Variants in STPG2 observed in about 807,000 individuals in gnomAD.
The protein encoded by STPG2 is sperm tail PG-rich repeat containing 2.
Under a neutral mutation model 54.2 loss-of-function variants are expected in STPG2, and 56 were observed. The observed-to-expected ratio is 1.03, with a 90% confidence interval of 0.83 to 1.29. STPG2 has a LOEUF of 1.29. Ranked by LOEUF, STPG2 falls within the 50% of genes most tolerant of loss-of-function variation. The pLI is 0.00. For synonymous variants in STPG2, 200 were observed against 181.8 expected, an observed-to-expected ratio of 1.10 and a Z score of -0.81; for missense variants, 596 against 544.9, an observed-to-expected ratio of 1.09 and a Z score of -0.93.
intron 5 of STPG2, among the ~76,000 whole-genome samples, chr4:98,100,666 T>C (rs1021555455): frequency 3.2e-5 from 4 of 126,178 alleles, no homozygotes; most frequent in East Asian, 2.2e-4. Context: ...TTCTTTCTTT[T>C]TTTTTTTTTT....
intron 5 of STPG2, among the ~76,000 whole-genome samples, chr4:98,029,581 T>C (rs1394006915): frequency 3.3e-5 from 5 of 152,190 alleles, no homozygotes; most frequent in South Asian, 2.1e-4. Context: ...CAAAGTATAT[T>C]AATTAGAAAT....
chr4:97,660,412 T>C (rs1722345075), intron 10 of STPG2, among the ~76,000 whole-genome samples: 1 of 152,222 alleles, frequency 6.6e-6, no homozygotes, highest in African/African-American at 2.4e-5. Context: ...AGAATTATTG[T>C]ATGCTTCATC....
At chr4:97,517,601 C>T (rs186347415) in intron 4 of STPG2, among the ~76,000 whole-genome samples, 3 of 108,290 alleles carry the variant, frequency 2.8e-5, no homozygotes, top group Non-Finnish European at 4.2e-5. Flanking sequence ...TTCTTAGTGT[C>T]AATTTTTTTC....
intron 4 of STPG2, among the ~76,000 whole-genome samples, chr4:97,518,590 T>C (rs1286914072): frequency 6.6e-6 from 1 of 152,092 alleles, no homozygotes; most frequent in Non-Finnish European, 1.5e-5. Flanking sequence ...TAGACATAAA[T>C]TTTTTATGAA....
In STPG2 at chr4:97,972,322, A is replaced by G. The variant is rs756444429; in HGVS notation, c.891T>C (p.Val297=). 1 of 1,608,498 alleles carries G rather than the reference A, an allele frequency of 6.2e-7. No homozygotes were observed. Among genetic ancestry groups the G allele is most frequent in the Admixed American group, 1.7e-5 (1 of 59,082 alleles). The change falls in exon 7 of 11, where the codon GTT becomes GTC. Residue 297 remains valine, a synonymous_variant. Coordinates refer to ENST00000295268, the MANE Select transcript of STPG2 (RefSeq NM_174952.3). ...CAGGGGTAGCACAAGCTTCTTTCTGAACCGAGAAGAAAGTCCGAGGAACAG... is the reference window on the plus strand; with the variant it reads ...CAGGGGTAGCACAAGCTTCTTTCTGGACCGAGAAGAAAGTCCGAGGAACAG... ...GSSVPRTFFS[V]QKEACATPGP...
chr4:97,896,545 A>G (rs917087283), intron 8 of STPG2, among the ~76,000 whole-genome samples: 1 of 151,790 alleles, frequency 6.6e-6, no homozygotes, highest in Non-Finnish European at 1.5e-5. Context: ...GGCTAAAAAA[A>G]TCTATGTTAC....
At chr4:97,460,911 T>C (rs1231234792) in intron 4 of STPG2, among the ~76,000 whole-genome samples, 1 of 152,244 alleles carries the variant, frequency 6.6e-6, no homozygotes, top group East Asian at 1.9e-4. Flanking sequence ...TTCAACATTA[T>C]GCTTGTAATA....
intron 8 of STPG2, among the ~76,000 whole-genome samples, chr4:97,880,048 T>C (rs944076523): frequency 2.6e-5 from 4 of 152,182 alleles, no homozygotes; most frequent in Non-Finnish European, 5.9e-5. Context: ...GGACCCAACC[T>C]ACGTCTCCAT....
intron 9 of STPG2, among the ~76,000 whole-genome samples, chr4:97,781,737 A>G (rs1578558549): frequency 6.6e-6 from 1 of 152,194 alleles, no homozygotes; most frequent in South Asian, 2.1e-4. Context: ...ATCCACCATG[A>G]TCAAGTGGGC....
At chr4:97,945,426 T>A (rs1204828667) in intron 7 of STPG2, among the ~76,000 whole-genome samples, 5 of 152,146 alleles carry the variant, frequency 3.3e-5, no homozygotes, top group Non-Finnish European at 7.4e-5. Flanking sequence ...TTCCATGGTG[T>A]ATATATACCA....
At chr4:98,008,801 G>A (rs1429977985) in intron 5 of STPG2, among the ~76,000 whole-genome samples, 1 of 151,946 alleles carries the variant, frequency 6.6e-6, no homozygotes, top group Non-Finnish European at 1.5e-5. Context: ...AAAAAAGCAT[G>A]AACCAACTGT....
chr4:98,135,871 G>A (rs894769880), intron 1 of STPG2, among the ~76,000 whole-genome samples: 2 of 151,724 alleles, frequency 1.3e-5, no homozygotes, highest in African/African-American at 4.8e-5. Context: ...CAGAGAACAA[G>A]AACCAGATTT....
At chr4:97,509,108 C>G (rs982292405) in intron 4 of STPG2, among the ~76,000 whole-genome samples, 4 of 152,084 alleles carry the variant, frequency 2.6e-5, no homozygotes, top group Middle Eastern at 3.2e-3. Context: ...TAGGCCCAAT[C>G]TGGCCCCTAC....
chr4:97,747,303 A>C (rs1176998034), intron 9 of STPG2, among the ~76,000 whole-genome samples: 1 of 151,404 alleles, frequency 6.6e-6, no homozygotes, highest in East Asian at 1.9e-4. Flanking sequence ...TGAGTAACTC[A>C]AAAATTAAGA....
At chr4:97,813,865 G>T (rs1014773258) in intron 9 of STPG2, among the ~76,000 whole-genome samples, 34 of 151,714 alleles carry the variant, frequency 2.2e-4, no homozygotes, top group African/African-American at 7.7e-4. Flanking sequence ...TCTGAAAATT[G>T]AGAATCCTGC....
intron 10 of STPG2, among the ~76,000 whole-genome samples, chr4:97,567,390 G>A (rs575472765): frequency 5.3e-5 from 8 of 149,996 alleles, no homozygotes; most frequent in African/African-American, 1.5e-4. Flanking sequence ...GTGCAATCCC[G>A]AAATAGAGGA....
At chr4:97,668,411 GAACATTGAAATGAT>G (rs1722589560) in intron 10 of STPG2, among the ~76,000 whole-genome samples, 2 of 152,116 alleles carry the variant, frequency 1.3e-5, no homozygotes, top group Non-Finnish European at 2.9e-5. Flanking sequence ...TCATTTCAAT[GAACATTGAAATGAT>G]CAGATCTATG....
In STPG2 at chr4:97,972,399, T is replaced by G; in HGVS notation, c.814A>C (p.Ser272Arg). Residue 272 changes from serine to arginine, a missense_variant, in exon 7 of 11, where the codon AGT becomes CGT. By Grantham distance (110) the Ser-to-Arg change is moderately radical (BLOSUM62 -1). Transcript: ENST00000295268. ...YNVLNNTIIA[S>R]VRNICSKKQK... ...TTCTTTGAGCAGATATTTCTAACAC[T>G]GGCAATTATAGTATTGTTCAAGACA... 6.2e-7 allele frequency: 1 copy of G among 1,603,980 alleles called. No homozygotes were observed. The highest frequency in any genetic ancestry group is 8.5e-7 in the Non-Finnish European group (1 of 1,173,414).
At chr4:98,029,220 T>G (rs28769113) in intron 5 of STPG2, among the ~76,000 whole-genome samples, 59,854 of 151,896 alleles carry the variant, frequency 0.39, 12,025 homozygotes, top group Middle Eastern at 0.46. Flanking sequence ...CTAATAGTCC[T>G]GTTCAATCTT....
Sources: allele counts gnomAD v4.1 joint callset (sites outside exome capture counted in the v4.1 genomes callset), GRCh38; gene constraint gnomAD v4.1.1; transcripts MANE v1.5; gene names NCBI Gene and HGNC (gene_info 2026-07-23, HGNC 2026-07-21).